Variants in OPHN1 observed in about 807,000 individuals in gnomAD.
OPHN1 encodes oligophrenin-1.
In OPHN1, 11 loss-of-function variants were observed where a neutral mutation model predicts 60.7. That is an observed-to-expected ratio of 0.18 (90% confidence interval 0.11 to 0.30). OPHN1 has a LOEUF of 0.30. Among genes scored for constraint, OPHN1 ranks in the 10% least tolerant of loss-of-function variants. The pLI is 1.00. For synonymous variants in OPHN1, 226 were observed against 222.6 expected (o/e 1.02, Z -0.14); for missense variants, 449 against 611.0 (o/e 0.73, Z 2.80).
At position 68,221,826 on chromosome X, in the gene OPHN1, T is replaced by C. The variant is rs1383330263; in HGVS notation, c.487-7854A>G. Among the ~76,000 whole-genome samples, 736 of 83,652 alleles carry C rather than the reference T, an allele frequency of 8.8e-3. 8 individuals are homozygous for C. Among genetic ancestry groups the C allele is most frequent in the Admixed American group, 0.014 (93 of 6,791 alleles). 72.6% of individuals were successfully genotyped at this position (83,652 alleles called of 115,157 possible). ...GTTAGACCTAAAACCATAAAAACCC[T>C]AGAAGAAAACCTAGGTATTACCATT... On this transcript the variant is annotated intron_variant, in intron 6 of 24. Transcript: ENST00000355520.
chrX:68,062,541 C>T (rs2076896985), intron 21 of OPHN1, among the ~76,000 whole-genome samples: 1 of 112,148 alleles, frequency 8.9e-6, no homozygotes, highest in Non-Finnish European at 1.9e-5. Context: ...GTCCACAGGC[C>T]ATAGTCTGCC....
At chrX:68,226,276 C>T (rs775155702) in intron 6 of OPHN1, among the ~76,000 whole-genome samples, 4 of 111,350 alleles carry the variant, frequency 3.6e-5, no homozygotes, top group South Asian at 7.6e-4. Context: ...AAAGTGACGG[C>T]GAGAATGGAA....
chrX:68,417,642 A>G (rs1043912595), intron 2 of OPHN1, among the ~76,000 whole-genome samples: 1 of 112,478 alleles, frequency 8.9e-6, no homozygotes, highest in Non-Finnish European at 1.9e-5. Flanking sequence ...TGCCAATAGG[A>G]TGACACATGT....
intron 6 of OPHN1, among the ~76,000 whole-genome samples, chrX:68,229,854 C>A (rs1248061152): frequency 9.0e-6 from 1 of 111,630 alleles, no homozygotes; most frequent in African/African-American, 3.3e-5. Flanking sequence ...TAGGCATGGG[C>A]AAGGACTTCA....
At chrX:68,265,157 T>C (rs1222700246) in intron 5 of OPHN1, among the ~76,000 whole-genome samples, 1 of 112,273 alleles carries the variant, frequency 8.9e-6, no homozygotes, top group South Asian at 3.7e-4. Context: ...TAAATGTCCC[T>C]GTCTGACAGC....
At chrX:68,217,381 T>G (rs1013222759) in intron 6 of OPHN1, among the ~76,000 whole-genome samples, 8 of 111,602 alleles carry the variant, frequency 7.2e-5, no homozygotes, top group African/African-American at 2.6e-4. Flanking sequence ...CAGGCTTGCA[T>G]AGGTAAACAA....
intron 2 of OPHN1, among the ~76,000 whole-genome samples, chrX:68,377,947 G>A (rs1173282774): frequency 8.9e-6 from 1 of 111,928 alleles, no homozygotes; most frequent in Non-Finnish European, 1.9e-5. Context: ...TATATACCCA[G>A]TAATGGGATG....
chrX:68,259,860 T>C (rs1460439505), intron 5 of OPHN1, among the ~76,000 whole-genome samples: 1 of 111,440 alleles, frequency 9.0e-6, no homozygotes, highest in Non-Finnish European at 1.9e-5. Flanking sequence ...AGGAAAGTCA[T>C]CATAGAGGAA....
Position 68,400,139 on chromosome X carries a change from G to C in OPHN1, c.154+32728C>G, listed in dbSNP as rs187499420. Among the ~76,000 whole-genome samples the C allele has an allele frequency of 4.7e-4, 52 of 111,827 alleles. No individual in the cohort carries two copies. The East Asian group carries it at 5.9e-3, about 13-fold the overall frequency. On this transcript the variant is annotated intron_variant, in intron 2 of 24. Coordinates refer to ENST00000355520, the MANE Select transcript of OPHN1 (RefSeq NM_002547.3). Reference sequence around the variant, plus strand: ...GAAATGGCCAATGGGAAACTTCTAGGGGGTATTTGAATCCAAGAAGATTCT... The same window carrying C: ...GAAATGGCCAATGGGAAACTTCTAGCGGGTATTTGAATCCAAGAAGATTCT...
At chrX:68,189,830 G>C (rs980883981) in intron 15 of OPHN1, among the ~76,000 whole-genome samples, 1 of 111,406 alleles carries the variant, frequency 9.0e-6, no homozygotes, top group Non-Finnish European at 1.9e-5. Context: ...CTTTTGTCTA[G>C]GGGAAGAAGA....
intron 15 of OPHN1, among the ~76,000 whole-genome samples, chrX:68,150,530 T>G (rs2077281484): frequency 9.0e-6 from 1 of 111,632 alleles, no homozygotes; most frequent in Admixed American, 9.5e-5. Flanking sequence ...TAAACCTACA[T>G]CTGAGTATCT....
intron 5 of OPHN1, among the ~76,000 whole-genome samples, chrX:68,244,873 T>C (rs2077797808): frequency 9.0e-6 from 1 of 111,368 alleles, no homozygotes; most frequent in African/African-American, 3.3e-5. Context: ...AAACGAACTG[T>C]TCCAAAGTTG....
At chrX:68,201,999 TA>T (rs1396792319) in intron 10 of OPHN1, among the ~76,000 whole-genome samples, 1 of 111,783 alleles carries the variant, frequency 8.9e-6, no homozygotes, top group African/African-American at 3.3e-5. Flanking sequence ...ACATATCATG[TA>T]AGGGGAGTGT....
At chrX:68,247,515 A>C (rs2077812140) in intron 5 of OPHN1, among the ~76,000 whole-genome samples, 1 of 111,681 alleles carries the variant, frequency 9.0e-6, no homozygotes, top group Admixed American at 9.6e-5. Flanking sequence ...TAGTCCACCA[A>C]GGACAAGAGA....
intron 2 of OPHN1, among the ~76,000 whole-genome samples, chrX:68,394,515 T>C (rs937893260): frequency 3.6e-5 from 4 of 112,584 alleles, no homozygotes; most frequent in Non-Finnish European, 7.5e-5. Flanking sequence ...ACTGAGTTTA[T>C]TTTAATAAAT....
intron 8 of OPHN1, among the ~76,000 whole-genome samples, chrX:68,211,823 T>C (rs749940446): frequency 4.5e-5 from 5 of 112,202 alleles, no homozygotes; most frequent in African/African-American, 1.6e-4. Flanking sequence ...TGTCCTGATC[T>C]GAGAGAGATG....
chrX:68,042,419 G>A lies in OPHN1; in HGVS notation c.*4753C>T, dbSNP rs1324330870. Reference sequence around the variant, plus strand: ...AGGATCTCGTTTGTTTTATTATTTGGATATAGCATATGTCTTTCACACAGG... The same window carrying A: ...AGGATCTCGTTTGTTTTATTATTTGAATATAGCATATGTCTTTCACACAGG... On this transcript the variant is annotated 3_prime_UTR_variant, in exon 25 of 25. Transcript: ENST00000355520. The A allele has an allele frequency of 9.0e-6, 1 of 111,225 alleles. No individual in the cohort carries two copies. The allele number at this position is 111,225 out of a possible 1,213,427, so 9.2% of individuals were successfully genotyped here.
intron 2 of OPHN1, among the ~76,000 whole-genome samples, chrX:68,376,930 CTT>C (rs34240021): frequency 0.25 from 22,158 of 89,745 alleles, 4,593 homozygotes; most frequent in African/African-American, 0.69. Context: ...CTCAAGTAAT[CTT>C]TTTTTTTTTT....
At chrX:68,058,753 T>C (rs920458708) in intron 21 of OPHN1, among the ~76,000 whole-genome samples, 9 of 111,834 alleles carry the variant, frequency 8.0e-5, no homozygotes, top group East Asian at 2.8e-4. Context: ...ATTTAATCCA[T>C]GCAAAATCCT....
Sources: allele counts gnomAD v4.1 joint callset (sites outside exome capture counted in the v4.1 genomes callset), GRCh38; gene constraint gnomAD v4.1.1; transcripts MANE v1.5; gene names NCBI Gene and HGNC (gene_info 2026-07-23, HGNC 2026-07-21).